Variants in EXD3 observed in about 807,000 individuals in gnomAD.
The protein encoded by EXD3 is exonuclease mut-7 homolog.
Under a neutral mutation model 98.0 loss-of-function variants are expected in EXD3, and 92 were observed. That is an observed-to-expected ratio of 0.94 (90% CI 0.79 to 1.12). The LOEUF (loss-of-function observed/expected upper bound fraction) is 1.12. Among genes scored for constraint, EXD3 ranks in the 50% most tolerant of loss-of-function variants. The probability of loss-of-function intolerance (pLI) is 0.00; values close to 1 mark genes in which losing one functional copy is unlikely to be tolerated. For missense variants in EXD3, 1,222 were observed against 1,191.6 expected (o/e 1.03, Z -0.38); for synonymous variants, 569 against 526.0 (o/e 1.08, Z -1.12).
At chr9:137,412,928 C>T (rs950279073) in intron 1 of EXD3, among the ~76,000 whole-genome samples, 12 of 151,776 alleles carry the variant, frequency 7.9e-5, no homozygotes, top group South Asian at 4.2e-4. Flanking sequence ...CCGGAGTGCA[C>T]GCTACACCTG....
At chr9:137,342,578 A>G (rs1486913573) in intron 17 of EXD3, among the ~76,000 whole-genome samples, 1 of 152,142 alleles carries the variant, frequency 6.6e-6, no homozygotes, top group Non-Finnish European at 1.5e-5. Context: ...CCTGGCATAT[A>G]CCAAAATTCC....
chr9:137,314,880 A>G (rs1465308799), intron 19 of EXD3, among the ~76,000 whole-genome samples: 1 of 152,170 alleles, frequency 6.6e-6, no homozygotes, highest in Non-Finnish European at 1.5e-5. Flanking sequence ...GGGTCTGGGC[A>G]CACGTGCGCA....
At chr9:137,356,914 T>G (rs1163891528) in intron 7 of EXD3, among the ~76,000 whole-genome samples, 1 of 152,172 alleles carries the variant, frequency 6.6e-6, no homozygotes, top group Non-Finnish European at 1.5e-5. Context: ...CCCTCCGACC[T>G]CCAGGTAGTG....
chr9:137,347,883 G>T lies in EXD3; in HGVS notation c.1998+188C>A, dbSNP rs1244856302. On this transcript the variant is annotated intron_variant, in intron 17 of 21. Coordinates refer to ENST00000340951, the MANE Select transcript of EXD3 (RefSeq NM_017820.5). This position sits in a 1 kb window ranked among gnomAD's most constrained non-coding sequence, Gnocchi z 4.2. The stretch of plus-strand genomic sequence containing the variant: ...GTGGGACAATGAGGGCTGAGGCTGG[G>T]ACCATCTCAGCCACTTGGCCCCCAA... Among the ~76,000 whole-genome samples, 1 of 152,172 alleles carries T rather than the reference G, an allele frequency of 6.6e-6. No individual in the cohort carries two copies. The highest frequency in any genetic ancestry group is 1.5e-5 in the Non-Finnish European group (1 of 68,014).
At chr9:137,342,904 A>G (rs1209554835) in intron 17 of EXD3, among the ~76,000 whole-genome samples, 3 of 152,180 alleles carry the variant, frequency 2.0e-5, no homozygotes, top group Non-Finnish European at 4.4e-5. Flanking sequence ...GGTGGATTAC[A>G]AGGTCGGGAG....
rs183993825 is a variant in EXD3 at position 137,383,935 on chromosome 9, C to G, written c.56-558G>C. ...CGGACAGGGCCACCAGAGCGAGACC[C>G]GAGGGAGGTTTCCAGACAGAACCCA... On this transcript the variant is annotated intron_variant, in intron 2 of 21. Coordinates refer to ENST00000340951, the MANE Select transcript of EXD3 (RefSeq NM_017820.5). Among the ~76,000 whole-genome samples, 46 of 152,334 alleles carry G rather than the reference C, an allele frequency of 3.0e-4. No individual in the cohort carries two copies. The East Asian group carries it at 5.2e-3, about 17-fold the overall frequency.
At chr9:137,361,668 C>G (rs1284443735) in intron 7 of EXD3, among the ~76,000 whole-genome samples, 1 of 150,658 alleles carries the variant, frequency 6.6e-6, no homozygotes, top group African/African-American at 2.4e-5. Context: ...ATTACTTGAA[C>G]CCGGGAGGCG....
rs1348066773 is a variant in EXD3, at chr9:137,393,562, C to T, written c.55+1741G>A. On this transcript the variant is annotated intron_variant, in intron 2 of 21. Transcript: ENST00000340951. The surrounding 1 kb of genome is among the most constrained non-coding windows in gnomAD (Gnocchi z 4.6). The stretch of plus-strand genomic sequence containing the variant: ...GCTGACCTGGCTACATCAGGGAAGG[C>T]GACATGCCCGGAGGTGCCCCCACAG... Among the ~76,000 whole-genome samples, 2 of 152,204 alleles carry T rather than the reference C, an allele frequency of 1.3e-5. No individual in the cohort carries two copies. The highest frequency in any genetic ancestry group is 2.4e-5 in the African/African-American group (1 of 41,442).
At chr9:137,355,483 G>GAAGGAGAAAGGGAGGAAGGAGA (rs1834615541) in intron 8 of EXD3, among the ~76,000 whole-genome samples, 4 of 111,376 alleles carry the variant, frequency 3.6e-5, no homozygotes, top group Admixed American at 8.8e-5. Context: ...GAGGAAGGAG[G>GAAGGAGAAAGGGAGGAAGGAGA]AAGGAGGATG....
chr9:137,373,676 G>T, intron 3 of EXD3, 77 bp from the exon 4 acceptor site: 3 of 1,405,608 alleles, frequency 2.1e-6, no homozygotes, highest in Non-Finnish European at 2.9e-6. Flanking sequence ...ACCGCAGAGA[G>T]GTTTTTTAAA....
In EXD3 at chr9:137,347,904, C is replaced by A. The variant is rs1455494132; in HGVS notation, c.1998+167G>T. 3.3e-5 allele frequency among the ~76,000 whole-genome samples: 5 copies of A among 152,164 alleles called. No homozygotes were observed. The highest frequency in any genetic ancestry group is 1.2e-4 in the African/African-American group (5 of 41,454). On this transcript the variant is annotated intron_variant, in intron 17 of 21. Coordinates refer to ENST00000340951, the MANE Select transcript of EXD3 (RefSeq NM_017820.5). This position sits in a 1 kb window ranked among gnomAD's most constrained non-coding sequence, Gnocchi z 4.2. ...CTGGGACCATCTCAGCCACTTGGCC[C>A]CCAACCGCTCCATCCTTGGCCACCC...
chr9:137,413,490 G>A (rs554557989), intron 1 of EXD3, among the ~76,000 whole-genome samples: 4 of 150,486 alleles, frequency 2.7e-5, no homozygotes, highest in Non-Finnish European at 5.9e-5. Context: ...ATGAGCCACC[G>A]CGCCTGGCCT....
chr9:137,390,967 AG>A (rs1836874366), intron 2 of EXD3, among the ~76,000 whole-genome samples: 1 of 152,264 alleles, frequency 6.6e-6, no homozygotes, highest in South Asian at 2.1e-4. Flanking sequence ...GTCGTGGGAC[AG>A]GGACAAGCCC....
intron 17 of EXD3, among the ~76,000 whole-genome samples, chr9:137,330,613 A>AGCTATACAGGAG (rs549991151): frequency 7.2e-5 from 4 of 55,866 alleles, no homozygotes; most frequent in Admixed American, 1.5e-4. Context: ...ACTACACAGG[A>AGCTATACAGGAG]CTACACAGGA....
At chr9:137,358,680 CTTTT>C (rs1834912028) in intron 7 of EXD3, among the ~76,000 whole-genome samples, 2 of 152,072 alleles carry the variant, frequency 1.3e-5, no homozygotes, top group African/African-American at 4.8e-5. Flanking sequence ...CTACTTAAAA[CTTTT>C]TTAAAATTAA....
intron 17 of EXD3, among the ~76,000 whole-genome samples, chr9:137,328,639 G>C (rs927114110): frequency 3.5e-5 from 3 of 86,176 alleles, no homozygotes; most frequent in African/African-American, 1.9e-4. Context: ...GGACTACACG[G>C]GGCTACACGG....
chr9:137,374,913 T>G, intron 3 of EXD3: 115 of 939,156 alleles, frequency 1.2e-4, no homozygotes, highest in South Asian at 2.0e-4. Flanking sequence ...GATCTAGCTC[T>G]AGTGAGTTCT....
At chr9:137,421,923 GTTTT>G (rs1461424377) in intron 1 of EXD3, among the ~76,000 whole-genome samples, 1 of 152,060 alleles carries the variant, frequency 6.6e-6, no homozygotes, top group Non-Finnish European at 1.5e-5. Flanking sequence ...GAACAGGTTT[GTTTT>G]TTTCATCCTG....
chr9:137,383,343 C>A lies in EXD3; in HGVS notation c.90G>T (p.Gln30His). The A allele has an allele frequency of 1.3e-6, 2 of 1,550,150 alleles. No individual in the cohort carries two copies. The highest frequency in any genetic ancestry group is 4.9e-5 in the East Asian group (2 of 40,976). The change falls in exon 3 of 22, where the codon CAG becomes CAT. Residue 30 changes from glutamine to histidine, a missense_variant. Gln to His is a conservative substitution (Grantham distance 24). Coordinates refer to ENST00000340951, the MANE Select transcript of EXD3 (RefSeq NM_017820.5). ...RDPLLLLQALQTLWSTRERKQ... is the reference protein window; with the variant it reads ...RDPLLLLQALHTLWSTRERKQ... ...TCCGCTCCCGCGTGGACCACAGGGTCTGCAGGGCCTGCAGGAGCAGGAGGG... is the reference window on the plus strand; with the variant it reads ...TCCGCTCCCGCGTGGACCACAGGGTATGCAGGGCCTGCAGGAGCAGGAGGG...
Sources: gnomAD v4.1 joint callset for allele counts (sites outside exome capture counted in the v4.1 genomes callset) on GRCh38, gnomAD v4.1.1 for gene constraint, Gnocchi (gnomAD v3.1) non-coding constraint, MANE v1.5 for transcripts, NCBI Gene and HGNC (gene_info 2026-07-23, HGNC 2026-07-21) for gene names.